LARS2: variants seen among roughly 807,000 people sequenced by gnomAD.
LARS2 encodes leucyl-tRNA synthetase 2, mitochondrial.
Under a neutral mutation model 116.6 loss-of-function variants are expected in LARS2, and 81 were observed. The ratio of observed to expected loss-of-function variants is 0.69; its 90% CI spans 0.58 to 0.84. The LOEUF (loss-of-function observed/expected upper bound fraction) is 0.84. Ranked by LOEUF, LARS2 falls within the 40% of genes least tolerant of loss-of-function variation. LARS2 has a pLI of 0.00. For synonymous variants in LARS2, 396 were observed against 407.2 expected (o/e 0.97, Z 0.33); for missense variants, 968 against 1,114.5 (o/e 0.87, Z 1.87).
intron 6 of LARS2, among the ~76,000 whole-genome samples, chr3:45,434,072 G>A (rs1698763906): frequency 6.6e-6 from 1 of 152,028 alleles, no homozygotes; most frequent in Non-Finnish European, 1.5e-5. Context: ...ATTTCTTTGG[G>A]TTTATCTTGT....
chr3:45,507,834 T>G (rs1441488190), intron 15 of LARS2, among the ~76,000 whole-genome samples: 1 of 152,068 alleles, frequency 6.6e-6, no homozygotes, highest in African/African-American at 2.4e-5. Flanking sequence ...TTTTTCCAGA[T>G]TTTTTACAAT....
At chr3:45,412,043 A>C (rs1250062946) in intron 4 of LARS2, among the ~76,000 whole-genome samples, 1 of 152,170 alleles carries the variant, frequency 6.6e-6, no homozygotes, top group Non-Finnish European at 1.5e-5. Context: ...ACGGCTGCAT[A>C]GTATTCTATG....
chr3:45,416,021 C>T (rs1698415719), intron 4 of LARS2, among the ~76,000 whole-genome samples: 1 of 151,472 alleles, frequency 6.6e-6, no homozygotes, highest in South Asian at 2.1e-4. Context: ...ACCTTTTCTG[C>T]TGTGTTCCTG....
chr3:45,529,888 A>C (rs1190541269), intron 20 of LARS2, among the ~76,000 whole-genome samples: 1 of 152,220 alleles, frequency 6.6e-6, no homozygotes, highest in African/African-American at 2.4e-5. Flanking sequence ...AGGATGGGTA[A>C]CAGGGGCCCA....
Position 45,548,590 on chromosome 3 carries a change from T to C in LARS2, c.*1060T>C, listed in dbSNP as rs1025197775. On this transcript the variant is annotated 3_prime_UTR_variant, in exon 22 of 22. Transcript: ENST00000645846. The stretch of plus-strand genomic sequence containing the variant: ...GATGGCCAGGAATGGACTCATACCA[T>C]TGGCACATTAGGCTAATCCTGGTTT... The C allele has an allele frequency of 2.6e-5, 4 of 152,254 alleles. No homozygotes were observed. Among genetic ancestry groups the C allele is most frequent in the Non-Finnish European group, 5.9e-5 (4 of 68,054 alleles). 9.4% of individuals were successfully genotyped at this position (152,254 alleles called of 1,614,324 possible). A position where few individuals can be genotyped will look rare whatever the true frequency, so the allele number is the denominator to read the frequency against.
At chr3:45,528,019 C>T (rs1700556448) in intron 20 of LARS2, among the ~76,000 whole-genome samples, 1 of 152,196 alleles carries the variant, frequency 6.6e-6, no homozygotes, top group African/African-American at 2.4e-5. Context: ...CAGCCACCAT[C>T]AGCATCTTAG....
At chr3:45,523,283 C>T (rs188651676) in intron 19 of LARS2, among the ~76,000 whole-genome samples, 1 of 152,274 alleles carries the variant, frequency 6.6e-6, no homozygotes, top group African/African-American at 2.4e-5. Flanking sequence ...TAGAGGCCCC[C>T]CTGCCCTAGG....
intron 21 of LARS2, among the ~76,000 whole-genome samples, chr3:45,545,487 C>A (rs1000706594): frequency 2.6e-5 from 4 of 152,228 alleles, no homozygotes; most frequent in Non-Finnish European, 5.9e-5. Context: ...AACCTGACTT[C>A]TCTGCCCATC....
intron 11 of LARS2, among the ~76,000 whole-genome samples, chr3:45,487,387 G>C (rs1477333600): frequency 1.3e-5 from 2 of 152,150 alleles, no homozygotes; most frequent in Non-Finnish European, 2.9e-5. Flanking sequence ...ATGTCACAGA[G>C]CTTTTCATCA....
intron 7 of LARS2, among the ~76,000 whole-genome samples, chr3:45,449,712 C>T (rs1699093762): frequency 6.6e-6 from 1 of 152,160 alleles, no homozygotes; most frequent in South Asian, 2.1e-4. Context: ...TTGCTATTAG[C>T]ATTCTATTTC....
At chr3:45,488,567 G>GT (rs765191229) in intron 11 of LARS2, 130 bp from the exon 12 acceptor site, 16 of 646,118 alleles carry the variant, frequency 2.5e-5, no homozygotes, top group Non-Finnish European at 4.2e-5. Flanking sequence ...ATGTGATGTG[G>GT]TTTTAAAACT....
At chr3:45,522,753 A>C (rs1700473371) in intron 19 of LARS2, among the ~76,000 whole-genome samples, 1 of 152,108 alleles carries the variant, frequency 6.6e-6, no homozygotes, top group Non-Finnish European at 1.5e-5. Flanking sequence ...AAAAAAAGAT[A>C]CAAAAGTGTT....
chr3:45,502,226 A>AT (rs1365701269), intron 15 of LARS2, among the ~76,000 whole-genome samples: 2 of 151,652 alleles, frequency 1.3e-5, no homozygotes, highest in Non-Finnish European at 2.9e-5. Flanking sequence ...CTATGCTTTT[A>AT]TTTTTTCTAG....
Position 45,488,765 on chromosome 3 carries a change from A to G in LARS2, c.1192A>G (p.Ile398Val). 3.1e-6 allele frequency: 5 copies of G among 1,613,996 alleles called. No homozygotes were observed. The highest frequency in any genetic ancestry group is 4.2e-6 in the Non-Finnish European group (5 of 1,179,842). Residue 398 changes from isoleucine (I) to valine (V), a missense_variant, in exon 12 of 22, where the codon ATT becomes GTT. Coordinates refer to ENST00000645846, the MANE Select transcript of LARS2 (RefSeq NM_015340.4). ...CCTGGGCCTGGCCTACTCTGAAGTC[A>G]TTGAAACTTTGCCAGATGGCACAGA... is the stretch of plus-strand genomic sequence containing the variant. Reference protein sequence around the residue: ...QTLGLAYSEVIETLPDGTERL... With the variant: ...QTLGLAYSEVVETLPDGTERL...
rs925087105 is a variant in LARS2, at chr3:45,499,977, T to A, written c.1623-465T>A. ...ATATAAGCTTTTCTCATATATATAT[T>A]TTTGTTTGTTTGTTTGTTTGTTTGT... is the stretch of plus-strand genomic sequence containing the variant. On this transcript the variant is annotated intron_variant, in intron 14 of 21. Coordinates refer to ENST00000645846, the MANE Select transcript of LARS2 (RefSeq NM_015340.4). Among the ~76,000 whole-genome samples the A allele has an allele frequency of 2.0e-4, 31 of 152,076 alleles. 1 individual carries two copies. The highest frequency in any genetic ancestry group is 7.0e-4 in the African/African-American group (29 of 41,514).
chr3:45,462,770 G>A (rs141364223), intron 8 of LARS2, among the ~76,000 whole-genome samples: 25 of 152,286 alleles, frequency 1.6e-4, no homozygotes, highest in African/African-American at 5.1e-4. Context: ...CTTCTTGGGC[G>A]CATGGCTGTG....
intron 10 of LARS2, among the ~76,000 whole-genome samples, chr3:45,485,357 G>T (rs1699786894): frequency 6.6e-6 from 1 of 152,188 alleles, no homozygotes; most frequent in East Asian, 1.9e-4. Flanking sequence ...TTTCACTACA[G>T]ATGGACTTTG....
chr3:45,393,926 G>A (rs1399614815), intron 2 of LARS2, among the ~76,000 whole-genome samples: 1 of 152,236 alleles, frequency 6.6e-6, no homozygotes, highest in Non-Finnish European at 1.5e-5. Context: ...TCAGCCTACA[G>A]GGTATATTTA....
At chr3:45,545,506 G>A (rs931314919) in intron 21 of LARS2, among the ~76,000 whole-genome samples, 4 of 152,170 alleles carry the variant, frequency 2.6e-5, no homozygotes, top group African/African-American at 4.8e-5. Context: ...TCTCATTGGC[G>A]CTTTATGCCA....
Sources: allele counts gnomAD v4.1 joint callset (sites outside exome capture counted in the v4.1 genomes callset), GRCh38; gene constraint gnomAD v4.1.1; transcripts MANE v1.5; gene names NCBI Gene and HGNC (gene_info 2026-07-23, HGNC 2026-07-21).